The following DACH1 variants were observed in gnomAD, a reference collection of about 807,000 sequenced individuals.
The protein encoded by DACH1 is dachshund homolog 1.
Under a neutral mutation model 54.2 loss-of-function variants are expected in DACH1, and 12 were observed. That is an observed-to-expected ratio of 0.22 (90% confidence interval 0.14 to 0.36). The LOEUF is 0.36. Among genes scored for constraint, DACH1 ranks in the 10% least tolerant of loss-of-function variants. The pLI is 1.00. For missense variants in DACH1, 805 were observed against 929.8 expected, an observed-to-expected ratio of 0.87 and a Z score of 1.75; for synonymous variants, 386 against 366.2, an observed-to-expected ratio of 1.05 and a Z score of -0.62.
intron 1 of DACH1, among the ~76,000 whole-genome samples, chr13:71,838,033 A>G (rs914180409): frequency 1.3e-5 from 2 of 149,942 alleles, no homozygotes; most frequent in Admixed American, 1.3e-4. Flanking sequence ...AGGGAAAAAA[A>G]AAAAAAAAGA....
At chr13:71,749,481 C>A (rs931946263) in intron 1 of DACH1, among the ~76,000 whole-genome samples, 3 of 152,078 alleles carry the variant, frequency 2.0e-5, no homozygotes, top group African/African-American at 7.2e-5. Context: ...TGGGCTGATA[C>A]ACCAAATGAA....
chr13:71,485,578 T>C (rs1211073718), intron 7 of DACH1, among the ~76,000 whole-genome samples: 3 of 132,962 alleles, frequency 2.3e-5, no homozygotes, highest in Non-Finnish European at 3.2e-5. Flanking sequence ...TTTTCTTCTT[T>C]TTTTTTTTTT....
chr13:71,844,478 A>G (rs1873090632), intron 1 of DACH1, among the ~76,000 whole-genome samples: 1 of 152,204 alleles, frequency 6.6e-6, no homozygotes, highest in Non-Finnish European at 1.5e-5. Context: ...GAGGGGAGGC[A>G]TTGCTAAATA....
intron 2 of DACH1, among the ~76,000 whole-genome samples, chr13:71,673,209 TTTAA>T (rs774301450): frequency 6.2e-4 from 95 of 152,236 alleles, no homozygotes; most frequent in Non-Finnish European, 9.7e-4. Flanking sequence ...TATGTGGTTA[TTTAA>T]TTAAGTCTAA....
chr13:71,663,205 T>C (rs1055290877), intron 2 of DACH1, among the ~76,000 whole-genome samples: 1 of 151,826 alleles, frequency 6.6e-6, no homozygotes, highest in African/African-American at 2.4e-5. Flanking sequence ...ATAAAATGTA[T>C]CAAAAGTAGA....
At chr13:71,637,081 T>A (rs1443343100) in intron 2 of DACH1, among the ~76,000 whole-genome samples, 2 of 152,126 alleles carry the variant, frequency 1.3e-5, no homozygotes, top group Non-Finnish European at 1.5e-5. Context: ...ACTCACTCTC[T>A]TATAAGAAAT....
intron 2 of DACH1, among the ~76,000 whole-genome samples, chr13:71,672,885 CA>C (rs1298459704): frequency 2.0e-5 from 3 of 152,140 alleles, no homozygotes; most frequent in Non-Finnish European, 4.4e-5. Context: ...CTGTCATAAT[CA>C]AAAGTTGACT....
chr13:71,634,130 G>A (rs1268019694), intron 2 of DACH1, among the ~76,000 whole-genome samples: 1 of 151,756 alleles, frequency 6.6e-6, no homozygotes, highest in Non-Finnish European at 1.5e-5. Flanking sequence ...CCACCACCAT[G>A]CCTAGCTCAT....
intron 6 of DACH1, among the ~76,000 whole-genome samples, chr13:71,536,477 G>C (rs902648150): frequency 6.6e-6 from 1 of 152,070 alleles, no homozygotes; most frequent in Admixed American, 6.6e-5. Context: ...CTAAGAGACA[G>C]AGCATAATAA....
At chr13:71,613,518 A>C (rs1186540119) in intron 3 of DACH1, among the ~76,000 whole-genome samples, 1 of 152,174 alleles carries the variant, frequency 6.6e-6, no homozygotes, top group African/African-American at 2.4e-5. Flanking sequence ...CAAGGAGTGA[A>C]AACAGGAAGT....
At chr13:71,787,776 G>A (rs923160587) in intron 1 of DACH1, among the ~76,000 whole-genome samples, 6 of 152,022 alleles carry the variant, frequency 3.9e-5, no homozygotes, top group Non-Finnish European at 7.4e-5. Context: ...TTATTTTTGC[G>A]TAACATTCTC....
chr13:71,564,505 A>C (rs2138394326), intron 4 of DACH1, among the ~76,000 whole-genome samples: 1 of 152,034 alleles, frequency 6.6e-6, no homozygotes, highest in African/African-American at 2.4e-5. Context: ...CTAATAAACT[A>C]ATAGTAACCG....
At chr13:71,652,698 A>G (rs574510163) in intron 2 of DACH1, among the ~76,000 whole-genome samples, 1 of 152,200 alleles carries the variant, frequency 6.6e-6, no homozygotes, top group Non-Finnish European at 1.5e-5. Flanking sequence ...TAAATTTTGC[A>G]GATATCTCAA....
chr13:71,611,808 A>G (rs1216699659), intron 3 of DACH1, among the ~76,000 whole-genome samples: 1 of 152,190 alleles, frequency 6.6e-6, no homozygotes, highest in Non-Finnish European at 1.5e-5. Context: ...AAAATAAAAC[A>G]CTGCTGATGA....
chr13:71,455,151 T>G (rs1057276175), intron 10 of DACH1, among the ~76,000 whole-genome samples: 9 of 152,294 alleles, frequency 5.9e-5, no homozygotes, highest in Middle Eastern at 3.4e-3. Flanking sequence ...GTTCTTAATG[T>G]GCAAAAATCA....
chr13:71,832,412 A>G lies in DACH1; in HGVS notation c.848+33510T>C, dbSNP rs142568793. On this transcript the variant is annotated intron_variant, in intron 1 of 10. Transcript: ENST00000613252. ...ATTAGCTAAAATGCATGGGGCCTGC[A>G]TAAACATAAAAAAATAAGTGTTTCG... Among the ~76,000 whole-genome samples the G allele has an allele frequency of 8.6e-3, 1,305 of 152,040 alleles. 12 individuals are homozygous for G. The highest frequency in any genetic ancestry group is 0.028 in the African/African-American group (1,144 of 41,546).
At chr13:71,863,463 A>T (rs892007001) in intron 1 of DACH1, among the ~76,000 whole-genome samples, 7 of 152,196 alleles carry the variant, frequency 4.6e-5, no homozygotes, top group Non-Finnish European at 8.8e-5. Flanking sequence ...AGGGTTTTAG[A>T]GCAACACATG....
chr13:71,494,490 A>G (rs1325405276), intron 6 of DACH1, among the ~76,000 whole-genome samples: 1 of 152,106 alleles, frequency 6.6e-6, no homozygotes, highest in Non-Finnish European at 1.5e-5. Context: ...AAGTGAGCAC[A>G]TTTCAGGTAG....
Position 71,440,583 on chromosome 13 carries a change from T to A in DACH1, c.*72A>T, listed in dbSNP as rs1021717061. 3 of 1,270,274 alleles carry A rather than the reference T, an allele frequency of 2.4e-6. No individual in the cohort carries two copies. The highest frequency in any genetic ancestry group is 2.3e-5 in the Admixed American group (1 of 44,292). 78.7% of individuals were successfully genotyped at this position (1,270,274 alleles called of 1,614,324 possible). A position where few individuals can be genotyped will look rare whatever the true frequency, so the allele number is the denominator to read the frequency against. The stretch of plus-strand genomic sequence containing the variant: ...CCCTTAAAAGGACTTTATTTTTTTC[T>A]GAACTTTCCCATGACGAATGTCTGA... On this transcript the variant is annotated 3_prime_UTR_variant, in exon 11 of 11. Transcript: ENST00000613252.
Sources: gnomAD v4.1 joint callset for allele counts (sites outside exome capture counted in the v4.1 genomes callset) on GRCh38, gnomAD v4.1.1 for gene constraint, MANE v1.5 for transcripts, NCBI Gene and HGNC (gene_info 2026-07-23, HGNC 2026-07-21) for gene names.